Variants in CCDC138 observed in about 807,000 individuals in gnomAD.
The protein encoded by CCDC138 is coiled-coil domain-containing protein 138.
In CCDC138, 66 loss-of-function variants were observed where a neutral mutation model predicts 82.3. The observed-to-expected ratio is 0.80, with a 90% confidence interval of 0.66 to 0.98. The LOEUF is 0.98. CCDC138 is among the 50% of genes least tolerant of loss of function. The probability of loss-of-function intolerance (pLI) is 0.00; values close to 1 mark genes in which losing one functional copy is unlikely to be tolerated. For synonymous variants in CCDC138, 297 were observed against 265.4 expected, an observed-to-expected ratio of 1.12 and a Z score of -1.16; for missense variants, 816 against 758.9, an observed-to-expected ratio of 1.08 and a Z score of -0.88.
chr2:108,853,151 G>A (rs1691813585), intron 12 of CCDC138, among the ~76,000 whole-genome samples: 1 of 152,154 alleles, frequency 6.6e-6, no homozygotes, highest in Non-Finnish European at 1.5e-5. Context: ...ACCCACAATC[G>A]GAATAGTGAA....
chr2:108,847,049 A>G (rs1690627498), intron 12 of CCDC138, 119 bp downstream of exon 12: 1 of 665,748 alleles, frequency 1.5e-6, no homozygotes, highest in Non-Finnish European at 2.6e-6. Context: ...GAATTGTTTT[A>G]TAATGGTTAC....
chr2:108,798,816 T>TACACACACACACACACAC lies in CCDC138; in HGVS notation c.735+250_735+267dup, dbSNP rs61201793. 3.0e-4 allele frequency among the ~76,000 whole-genome samples: 40 copies of TACACACACACACACACAC among 131,640 alleles called. 1 individual carries two copies. The highest frequency in any genetic ancestry group is 3.2e-4 in the Admixed American group (4 of 12,450). The allele number at this position is 131,640 out of a possible 152,430, so 86.4% of individuals were successfully genotyped here. On this transcript the variant is annotated intron_variant, in intron 6 of 14. Coordinates refer to ENST00000295124, the MANE Select transcript of CCDC138 (RefSeq NM_144978.3). ...TTCCCTTCCTCCTCCTCTCCACACC[T>TACACACACACACACACAC]ACACACACACACACACACACACACA... is the stretch of plus-strand genomic sequence containing the variant.
chr2:108,846,586 A>G (rs1209060845), intron 11 of CCDC138, 152 bp from the exon 12 acceptor site: 6 of 590,682 alleles, frequency 1.0e-5, no homozygotes, highest in Non-Finnish European at 1.8e-5. Flanking sequence ...CTGAGGTAGG[A>G]GGATTGCTTG....
intron 3 of CCDC138, among the ~76,000 whole-genome samples, chr2:108,790,177 C>G (rs763284135): frequency 6.6e-6 from 1 of 152,044 alleles, no homozygotes; most frequent in East Asian, 1.9e-4. Context: ...TCATGTTGCA[C>G]TCACAAAATC....
At chr2:108,850,210 C>G (rs141788685) in intron 12 of CCDC138, among the ~76,000 whole-genome samples, 2 of 152,184 alleles carry the variant, frequency 1.3e-5, no homozygotes, top group Non-Finnish European at 2.9e-5. Flanking sequence ...AGACTTAACT[C>G]TAGTAAGAAG....
intron 7 of CCDC138, among the ~76,000 whole-genome samples, chr2:108,805,421 T>G (rs562051001): frequency 4.7e-4 from 72 of 152,288 alleles, no homozygotes; most frequent in Non-Finnish European, 8.5e-4. Flanking sequence ...CATTGCAGTA[T>G]ACTTATTTAT....
chr2:108,857,265 G>A (rs1692778508), intron 13 of CCDC138, among the ~76,000 whole-genome samples: 1 of 151,852 alleles, frequency 6.6e-6, no homozygotes, highest in Non-Finnish European at 1.5e-5. Flanking sequence ...TTTTGGTAGA[G>A]ACGGGGTTTC....
At chr2:108,824,254 CTG>C (rs1181014861) in intron 10 of CCDC138, among the ~76,000 whole-genome samples, 5 of 151,960 alleles carry the variant, frequency 3.3e-5, no homozygotes, top group South Asian at 4.2e-4. Flanking sequence ...CTTTTTGACT[CTG>C]TAATATTAAC....
At chr2:108,828,526 G>A (rs1258310434) in intron 10 of CCDC138, among the ~76,000 whole-genome samples, 1 of 152,174 alleles carries the variant, frequency 6.6e-6, no homozygotes, top group East Asian at 1.9e-4. Context: ...GGATAGAATG[G>A]AGAGCCCAAT....
At chr2:108,796,295 C>T (rs2149507756) in intron 5 of CCDC138, among the ~76,000 whole-genome samples, 1 of 151,758 alleles carries the variant, frequency 6.6e-6, no homozygotes, top group South Asian at 2.1e-4. Context: ...ACCTCGTGAT[C>T]CGCCCGCCTC....
chr2:108,864,601 G>T lies in CCDC138; in HGVS notation c.1693+7631G>T, dbSNP rs946925404. Among the ~76,000 whole-genome samples, 13 of 152,114 alleles carry T rather than the reference G, an allele frequency of 8.5e-5. No individual in the cohort carries two copies. In the South Asian group the frequency reaches 1.5e-3, roughly 17 times the overall value. On this transcript the variant is annotated intron_variant, in intron 13 of 14. Transcript: ENST00000295124. ...TCACGAGGTTAGGAGATCGAGAGCA[G>T]CCTGGCTAACATGGTGAAACCCTGT...
intron 5 of CCDC138, among the ~76,000 whole-genome samples, chr2:108,795,433 A>G (rs1035458474): frequency 1.3e-5 from 2 of 152,182 alleles, no homozygotes; most frequent in Admixed American, 6.5e-5. Flanking sequence ...CTGGGATTAC[A>G]GGCGTGAGCC....
rs201137227 is a variant in CCDC138, at chr2:108,826,691, TC to T, written c.1206+10588del. Among the ~76,000 whole-genome samples, 763 of 152,302 alleles carry T rather than the reference TC, an allele frequency of 5.0e-3. 4 individuals carry two copies. Among genetic ancestry groups the T allele is most frequent in the South Asian group, 0.021 (102 of 4,824 alleles). ...AATTTTGAAAACAAAGTGTGAATCT[TC>T]CAACTTTGTCCTTCTTTTCCATATA... On this transcript the variant is annotated intron_variant, in intron 10 of 14. Coordinates refer to ENST00000295124, the MANE Select transcript of CCDC138 (RefSeq NM_144978.3).
At chr2:108,870,888 G>A (rs1394661252) in intron 13 of CCDC138, among the ~76,000 whole-genome samples, 1 of 152,136 alleles carries the variant, frequency 6.6e-6, no homozygotes, top group Non-Finnish European at 1.5e-5. Flanking sequence ...CTCTGGAGAT[G>A]GATGGTTGCA....
intron 7 of CCDC138, among the ~76,000 whole-genome samples, chr2:108,805,325 T>G (rs1573985482): frequency 6.6e-6 from 1 of 152,292 alleles, no homozygotes; most frequent in East Asian, 1.9e-4. Context: ...CATTCATTTA[T>G]TTTTGAGTAT....
Position 108,876,505 on chromosome 2 carries a change from G to C in CCDC138, c.*252G>C, listed in dbSNP as rs1344788918. On this transcript the variant is annotated 3_prime_UTR_variant, in exon 15 of 15. Coordinates refer to ENST00000295124, the MANE Select transcript of CCDC138 (RefSeq NM_144978.3). ...ATGTATGACACTGAAGTGACTTTTT[G>C]TAAAAATATATTAGGAAAATTATTT... 7.7e-6 allele frequency: 2 copies of C among 259,642 alleles called. No homozygotes were observed. The highest frequency in any genetic ancestry group is 1.4e-5 in the Non-Finnish European group (2 of 139,582). The allele number at this position is 259,642 out of a possible 1,614,324, so 16.1% of individuals were successfully genotyped here. A position where few individuals can be genotyped will look rare whatever the true frequency, so the allele number is the denominator to read the frequency against.
Position 108,876,209 on chromosome 2 carries a change from G to A in CCDC138, c.1954G>A (p.Gly652Ser). The A allele has an allele frequency of 6.2e-7, 1 of 1,612,588 alleles. No individual in the cohort carries two copies. The highest frequency in any genetic ancestry group is 1.7e-5 in the Admixed American group (1 of 59,952). Residue 652 changes from glycine (G) to serine (S), a missense_variant, in exon 15 of 15, where the codon GGT becomes AGT. Physicochemically the swap from Gly to Ser is moderately conservative, Grantham distance 56 (BLOSUM62 0). Transcript: ENST00000295124. The stretch of plus-strand genomic sequence containing the variant: ...TCTAAATTCAACTCTGTTCAATCTG[G>A]GTTTAACAAAATGTAACTCCCTGGT... The part of the protein sequence containing the change: ...INLNSTLFNL[G>S]LTKCNSLVSS...
At chr2:108,847,464 C>T (rs1476442969) in intron 12 of CCDC138, among the ~76,000 whole-genome samples, 2 of 152,130 alleles carry the variant, frequency 1.3e-5, no homozygotes, top group African/African-American at 4.8e-5. Flanking sequence ...CTTGCACTAG[C>T]TTGTAAGTTT....
At chr2:108,877,632 C>T (rs959728185), downstream of CCDC138, among the ~76,000 whole-genome samples, 1 of 152,062 alleles carries the variant, frequency 6.6e-6, no homozygotes, top group Non-Finnish European at 1.5e-5. Flanking sequence ...ATGGCAGATA[C>T]TAGGACAGAG....
Sources: allele counts gnomAD v4.1 joint callset (sites outside exome capture counted in the v4.1 genomes callset), GRCh38; gene constraint gnomAD v4.1.1; transcripts MANE v1.5; gene names NCBI Gene and HGNC (gene_info 2026-07-23, HGNC 2026-07-21).